The following TMEM71 variants were observed in gnomAD, a reference collection of about 807,000 sequenced individuals.
TMEM71 encodes the protein transmembrane protein 71.
A neutral mutation model predicts 38.0 loss-of-function variants in TMEM71; 44 were observed. The observed-to-expected ratio is 1.16, with a 90% CI of 0.91 to 1.49. The LOEUF (loss-of-function observed/expected upper bound fraction) is 1.49, where lower values mean the gene tolerates loss of function less well. TMEM71 is among the 40% of genes most tolerant of loss of function. The pLI is 0.00. For synonymous variants in TMEM71, 133 were observed against 122.5 expected (o/e 1.09, Z -0.56); for missense variants, 367 against 348.6 (o/e 1.05, Z -0.42).
chr8:132,764,288 T>TTGTGTG (rs5895159), upstream of TMEM71, among the ~76,000 whole-genome samples: 4,868 of 149,112 alleles, frequency 0.033, 173 homozygotes, highest in African/African-American at 0.094. Flanking sequence ...AACTGGGAGG[T>TTGTGTG]TGTGTGTGTG....
chr8:132,724,472 G>T (rs1228822203), intron 6 of TMEM71, among the ~76,000 whole-genome samples: 1 of 152,136 alleles, frequency 6.6e-6, no homozygotes, highest in Non-Finnish European at 1.5e-5. Flanking sequence ...TAGGCTCTCT[G>T]CAAGAAGAAA....
At chr8:132,755,265 A>G (rs534241341) in intron 3 of TMEM71, among the ~76,000 whole-genome samples, 2 of 152,246 alleles carry the variant, frequency 1.3e-5, no homozygotes, top group South Asian at 2.1e-4. Flanking sequence ...TGTAAACGAA[A>G]TGAAGACACT....
chr8:132,774,373 T>A, the TMEM71 span, among the ~76,000 whole-genome samples: 2 of 152,266 alleles, frequency 1.3e-5, no homozygotes, highest in Non-Finnish European at 1.5e-5. Context: ...GTCTTATTTA[T>A]ATCTTTTCTA....
chr8:132,716,876 T>C (rs963648353), intron 7 of TMEM71, among the ~76,000 whole-genome samples: 5 of 152,232 alleles, frequency 3.3e-5, no homozygotes, highest in African/African-American at 7.2e-5. Context: ...GTGGTGTGAA[T>C]TTATTTATTC....
chr8:132,727,162 G>T (rs887332588), intron 6 of TMEM71, among the ~76,000 whole-genome samples: 1 of 152,124 alleles, frequency 6.6e-6, no homozygotes, highest in Non-Finnish European at 1.5e-5. Context: ...TTCTTATGTA[G>T]TATGTCCAAT....
At chr8:132,752,026 A>C (rs1269417302) in intron 3 of TMEM71, 29 bp from the exon 4 acceptor site, 1 of 1,582,568 alleles carries the variant, frequency 6.3e-7, no homozygotes, top group Non-Finnish European at 8.7e-7. Flanking sequence ...CGCACTTTAA[A>C]TCTCTATTCA....
intron 5 of TMEM71, among the ~76,000 whole-genome samples, chr8:132,740,529 A>G (rs1827978461): frequency 6.6e-6 from 1 of 152,234 alleles, no homozygotes; most frequent in South Asian, 2.1e-4. Flanking sequence ...TCCATTGTGT[A>G]GGATAATGCC....
intron 5 of TMEM71, among the ~76,000 whole-genome samples, chr8:132,741,305 G>A (rs1006070271): frequency 9.9e-5 from 15 of 152,224 alleles, no homozygotes; most frequent in African/African-American, 3.6e-4. Flanking sequence ...GGAGGTTGCA[G>A]TGTGTAGGGT....
chr8:132,741,438 G>A (rs1398303488), intron 5 of TMEM71, among the ~76,000 whole-genome samples: 1 of 152,132 alleles, frequency 6.6e-6, no homozygotes, highest in Non-Finnish European at 1.5e-5. Context: ...TACCACCAAT[G>A]CGCAGAGACC....
intron 3 of TMEM71, among the ~76,000 whole-genome samples, chr8:132,752,887 G>GGAAT (rs1828804381): frequency 1.5e-5 from 2 of 134,228 alleles, no homozygotes; most frequent in Admixed American, 7.7e-5. Context: ...AAGGAAGGAA[G>GGAAT]GAATCACATG....
At chr8:132,757,484 A>G (rs544743873) in intron 2 of TMEM71, among the ~76,000 whole-genome samples, 190 bp from the exon 3 acceptor site, 2 of 152,248 alleles carry the variant, frequency 1.3e-5, no homozygotes, top group Admixed American at 6.5e-5. Flanking sequence ...ATCTACCGGA[A>G]GCAAGACATA....
the TMEM71 span, among the ~76,000 whole-genome samples, chr8:132,769,078 C>T: frequency 6.6e-6 from 1 of 152,188 alleles, no homozygotes; most frequent in African/African-American, 2.4e-5. Flanking sequence ...TGGCACACCA[C>T]AGATGTTCAA....
chr8:132,736,035 A>G (rs1268922597), intron 5 of TMEM71, among the ~76,000 whole-genome samples: 4 of 152,236 alleles, frequency 2.6e-5, no homozygotes, highest in Non-Finnish European at 5.9e-5. Flanking sequence ...GAACTTTGTT[A>G]AAACCAAAGA....
At chr8:132,725,046 C>T (rs1301290680) in intron 6 of TMEM71, among the ~76,000 whole-genome samples, 5 of 144,464 alleles carry the variant, frequency 3.5e-5, no homozygotes, top group South Asian at 2.2e-4. Flanking sequence ...TCTTTTTTTT[C>T]TTTTTTTTTT....
At chr8:132,769,252 A>G in the TMEM71 span, among the ~76,000 whole-genome samples, 43,884 of 152,196 alleles carry the variant, frequency 0.29, 7,268 homozygotes, top group South Asian at 0.46. Flanking sequence ...TTCTTCTTCT[A>G]TGCTGTCTTT....
intron 3 of TMEM71, among the ~76,000 whole-genome samples, chr8:132,752,779 A>AG (rs1828787751): frequency 2.0e-5 from 3 of 147,552 alleles, no homozygotes; most frequent in African/African-American, 7.7e-5. Flanking sequence ...AGAAAAAAAA[A>AG]AGGGAGAGAG....
chr8:132,754,979 CT>C (rs1828924298), intron 3 of TMEM71, among the ~76,000 whole-genome samples: 1 of 152,180 alleles, frequency 6.6e-6, no homozygotes, highest in Non-Finnish European at 1.5e-5. Context: ...TGTTCAATAA[CT>C]GACGGCTTAC....
chr8:132,775,670 G>A, the TMEM71 span: 2 of 334,934 alleles, frequency 6.0e-6, no homozygotes, highest in Admixed American at 4.8e-5. Flanking sequence ...CGGCTGAGCC[G>A]GCAGGCCGCC....
intron 5 of TMEM71, among the ~76,000 whole-genome samples, chr8:132,734,114 A>G (rs1240301512): frequency 6.6e-6 from 1 of 152,046 alleles, no homozygotes; most frequent in African/African-American, 2.4e-5. Context: ...AGTTAACAAC[A>G]TGGTATTTAT....
Sources: allele counts gnomAD v4.1 joint callset (sites outside exome capture counted in the v4.1 genomes callset), GRCh38; gene constraint gnomAD v4.1.1; transcripts MANE v1.5; gene names NCBI Gene and HGNC (gene_info 2026-07-23, HGNC 2026-07-21).